The following LRFN5 variants were observed in gnomAD, a reference collection of about 807,000 sequenced individuals.
LRFN5 encodes the protein leucine-rich repeat and fibronectin type-III domain-containing protein 5.
In LRFN5, 24 loss-of-function variants were observed where a neutral mutation model predicts 45.6. The observed-to-expected ratio is 0.53, with a 90% CI of 0.38 to 0.74. The LOEUF is 0.74. Among genes scored for constraint, LRFN5 ranks in the 30% least tolerant of loss-of-function variants. The pLI is 0.00. For synonymous variants in LRFN5, 340 were observed against 313.8 expected, an observed-to-expected ratio of 1.08 and a Z score of -0.88; for missense variants, 776 against 861.5, an observed-to-expected ratio of 0.90 and a Z score of 1.24.
chr14:41,757,500 C>G (rs534103090), intron 1 of LRFN5, among the ~76,000 whole-genome samples: 2 of 152,202 alleles, frequency 1.3e-5, no homozygotes, highest in Admixed American at 6.5e-5. Flanking sequence ...GCAGTTTGAT[C>G]TCAGACTGCT....
At chr14:41,877,937 C>T (rs1385096481) in intron 2 of LRFN5, among the ~76,000 whole-genome samples, 1 of 151,966 alleles carries the variant, frequency 6.6e-6, no homozygotes, top group African/African-American at 2.4e-5. Flanking sequence ...ATTCAATGTA[C>T]TTAGCCATAT....
intron 1 of LRFN5, among the ~76,000 whole-genome samples, chr14:41,629,891 T>TA (rs1282923993): frequency 1.3e-5 from 2 of 152,194 alleles, no homozygotes; most frequent in Non-Finnish European, 2.9e-5. Flanking sequence ...TACTTTTTTT[T>TA]ATGTAGTGGC....
chr14:41,691,129 T>C (rs1483961181), intron 1 of LRFN5, among the ~76,000 whole-genome samples: 1 of 152,142 alleles, frequency 6.6e-6, no homozygotes, highest in Non-Finnish European at 1.5e-5. Flanking sequence ...TTTGTCATTA[T>C]TATTTATGCA....
At chr14:41,659,424 GC>G (rs1880529443) in intron 1 of LRFN5, among the ~76,000 whole-genome samples, 1 of 152,080 alleles carries the variant, frequency 6.6e-6, no homozygotes, top group Admixed American at 6.6e-5. Flanking sequence ...GTGTATATGT[GC>G]CACATCTTCT....
intron 2 of LRFN5, among the ~76,000 whole-genome samples, chr14:41,841,336 GAA>G (rs767743088): frequency 6.6e-6 from 1 of 151,834 alleles, no homozygotes; most frequent in Non-Finnish European, 1.5e-5. Context: ...TCACTGGATG[GAA>G]ATAGCTAGTT....
intron 1 of LRFN5, among the ~76,000 whole-genome samples, chr14:41,696,775 G>A (rs553009959): frequency 6.6e-6 from 1 of 152,010 alleles, no homozygotes; most frequent in South Asian, 2.1e-4. Context: ...ACTGGTATGA[G>A]GTGACGTCTC....
chr14:41,761,741 A>C (rs1449825362), intron 1 of LRFN5, among the ~76,000 whole-genome samples: 1 of 152,202 alleles, frequency 6.6e-6, no homozygotes, highest in African/African-American at 2.4e-5. Flanking sequence ...ATTTTAGCAG[A>C]GTAAATTTAA....
chr14:41,751,657 GTTAAC>G (rs1021299042), intron 1 of LRFN5, among the ~76,000 whole-genome samples: 17 of 152,186 alleles, frequency 1.1e-4, no homozygotes, highest in African/African-American at 3.9e-4. Flanking sequence ...TGAGCATAGG[GTTAAC>G]TTAACCTTAA....
chr14:41,827,126 G>C (rs1451021676), intron 2 of LRFN5, among the ~76,000 whole-genome samples: 1 of 152,032 alleles, frequency 6.6e-6, no homozygotes, highest in Admixed American at 6.6e-5. Context: ...CTGAAGGATA[G>C]AAATTAATTA....
intron 2 of LRFN5, among the ~76,000 whole-genome samples, chr14:41,827,670 C>T (rs1168314494): frequency 6.6e-6 from 1 of 151,900 alleles, no homozygotes; most frequent in Non-Finnish European, 1.5e-5. Context: ...CATAGACCTG[C>T]TACTCGTTAA....
chr14:41,893,835 C>A, intron 4 of LRFN5: 1 of 985,288 alleles, frequency 1.0e-6, no homozygotes, highest in Non-Finnish European at 1.2e-6. Context: ...AAAAAGTTTA[C>A]TTTTCACATT....
intron 1 of LRFN5, among the ~76,000 whole-genome samples, chr14:41,643,523 GA>G (rs1879676783): frequency 1.3e-5 from 2 of 152,106 alleles, no homozygotes; most frequent in African/African-American, 4.8e-5. Context: ...TTGTGTATTT[GA>G]AAATCATTTG....
chr14:41,728,417 A>C (rs1884025608), intron 1 of LRFN5, among the ~76,000 whole-genome samples: 1 of 152,286 alleles, frequency 6.6e-6, no homozygotes, highest in East Asian at 1.9e-4. Context: ...AAGACTCTCA[A>C]GGAAAAAGAA....
chr14:41,886,666 C>T lies in LRFN5; in HGVS notation c.41C>T (p.Ala14Val), dbSNP rs762893917. The T allele has an allele frequency of 6.2e-7, 1 of 1,602,566 alleles. No individual in the cohort carries two copies. The highest frequency in any genetic ancestry group is 1.4e-5 in the African/African-American group (1 of 74,010). Residue 14 changes from alanine to valine, a missense_variant, in exon 3 of 6, where the codon GCA (alanine) becomes GTA (valine). By Grantham distance (64) the Ala-to-Val change is moderately conservative. Transcript: ENST00000298119. The stretch of plus-strand genomic sequence containing the variant: ...TTTTATCTGTTTCTCATTGGCATAG[C>T]AGTGAAAGCTCAGATCTGTCCAAAG... The part of the protein sequence containing the change: ...ILFYLFLIGI[A>V]VKAQICPKRC...
intron 5 of LRFN5, among the ~76,000 whole-genome samples, chr14:41,899,210 T>C (rs1891032898): frequency 6.6e-6 from 1 of 152,126 alleles, no homozygotes. Flanking sequence ...AAGTTAATAA[T>C]AGTGATGCAT....
chr14:41,860,907 C>T (rs1457709564), intron 2 of LRFN5, among the ~76,000 whole-genome samples: 1 of 152,128 alleles, frequency 6.6e-6, no homozygotes, highest in East Asian at 1.9e-4. Flanking sequence ...AAATGAAATA[C>T]ATTTAAAGAA....
chr14:41,888,225 GCTTA>G (rs1164764936), intron 3 of LRFN5, among the ~76,000 whole-genome samples: 5 of 151,948 alleles, frequency 3.3e-5, no homozygotes, highest in Non-Finnish European at 7.4e-5. Context: ...TTAATATTAT[GCTTA>G]CTTACTTTTT....
At chr14:41,626,097 A>G (rs945023385) in intron 1 of LRFN5, among the ~76,000 whole-genome samples, 1 of 152,082 alleles carries the variant, frequency 6.6e-6, no homozygotes, top group African/African-American at 2.4e-5. Flanking sequence ...AGGAGGGTCA[A>G]ATGATATTCA....
chr14:41,816,233 T>G (rs559091778), intron 2 of LRFN5, among the ~76,000 whole-genome samples: 19 of 152,226 alleles, frequency 1.2e-4, no homozygotes, highest in Admixed American at 1.2e-3. Flanking sequence ...GTTCCTTACA[T>G]CATTGCTGTC....
Sources: allele counts gnomAD v4.1 joint callset (sites outside exome capture counted in the v4.1 genomes callset), GRCh38; gene constraint gnomAD v4.1.1; transcripts MANE v1.5; gene names NCBI Gene and HGNC (gene_info 2026-07-23, HGNC 2026-07-21).